The following SLC13A1 variants were observed in gnomAD, a reference collection of about 807,000 sequenced individuals.
The protein encoded by SLC13A1 is solute carrier family 13 member 1.
SLC13A1 carries 65 observed loss-of-function variants against 70.0 expected under a neutral mutation model. That is an observed-to-expected ratio of 0.93 (90% CI 0.76 to 1.14). The LOEUF is 1.14. Ranked by LOEUF, SLC13A1 falls within the 50% of genes most tolerant of loss-of-function variation. SLC13A1 has a pLI of 0.00. For synonymous variants in SLC13A1, 275 were observed against 250.5 expected, an observed-to-expected ratio of 1.10 and a Z score of -0.92; for missense variants, 726 against 717.8, an observed-to-expected ratio of 1.01 and a Z score of -0.13.
At chr7:123,164,062 A>C (rs943814331) in intron 6 of SLC13A1, among the ~76,000 whole-genome samples, 1 of 152,086 alleles carries the variant, frequency 6.6e-6, no homozygotes, top group African/African-American at 2.4e-5. Flanking sequence ...CAAATTATAT[A>C]GTCTGTAAGA....
intron 6 of SLC13A1, among the ~76,000 whole-genome samples, chr7:123,167,640 A>G (rs1269602494): frequency 2.6e-5 from 4 of 152,050 alleles, no homozygotes; most frequent in Non-Finnish European, 4.4e-5. Flanking sequence ...GTATTTTTAT[A>G]TTGATTTATT....
At chr7:123,125,786 G>A (rs1793539371) in intron 10 of SLC13A1, 111 bp from the exon 11 acceptor site, 1 of 727,896 alleles carries the variant, frequency 1.4e-6, no homozygotes, top group East Asian at 2.6e-5. Context: ...AGTAGTAGGT[G>A]GTGTAGGTTA....
intron 1 of SLC13A1, among the ~76,000 whole-genome samples, chr7:123,192,479 T>C (rs1220065992): frequency 1.3e-5 from 2 of 152,200 alleles, no homozygotes; most frequent in African/African-American, 4.8e-5. Context: ...CTTTAAAATA[T>C]AGTTTTTTCA....
intron 6 of SLC13A1, among the ~76,000 whole-genome samples, chr7:123,150,910 T>C (rs149495043): frequency 2.6e-3 from 391 of 152,196 alleles, no homozygotes; most frequent in African/African-American, 9.0e-3. Context: ...CACTCTAATG[T>C]TTCTCCTTTA....
chr7:123,135,262 A>G (rs1793914564), intron 7 of SLC13A1, among the ~76,000 whole-genome samples: 2 of 152,180 alleles, frequency 1.3e-5, no homozygotes, highest in East Asian at 1.9e-4. Context: ...TAACTCAACA[A>G]CAACAACAAC....
chr7:123,116,540 A>G (rs893558615), intron 14 of SLC13A1, among the ~76,000 whole-genome samples: 34 of 152,176 alleles, frequency 2.2e-4, no homozygotes, highest in Non-Finnish European at 3.8e-4. Flanking sequence ...AAGGGTGATA[A>G]CAGATGCCCT....
At position 123,191,574 on chromosome 7, in the gene SLC13A1, A is replaced by T. The variant is rs184110967; in HGVS notation, c.99+8274T>A. 4.7e-3 allele frequency among the ~76,000 whole-genome samples: 709 copies of T among 152,306 alleles called. 5 individuals carry two copies. The highest frequency in any genetic ancestry group is 8.2e-3 in the Non-Finnish European group (556 of 68,032). ...GTTGATCATAGACTTTATATATAGA[A>T]AAACTTATTTAAGATGTGAAAATAT... On this transcript the variant is annotated intron_variant, in intron 1 of 14. Coordinates refer to ENST00000194130, the MANE Select transcript of SLC13A1 (RefSeq NM_022444.4).
At chr7:123,142,194 A>G (rs950982352) in intron 7 of SLC13A1, among the ~76,000 whole-genome samples, 1 of 152,110 alleles carries the variant, frequency 6.6e-6, no homozygotes, top group African/African-American at 2.4e-5. Flanking sequence ...TTCCAAAGGC[A>G]GTGAAAGCTC....
At chr7:123,148,638 C>G in intron 6 of SLC13A1, 1 of 332,060 alleles carries the variant, frequency 3.0e-6, no homozygotes, top group Non-Finnish European at 5.9e-6. Flanking sequence ...AATGGTTTTT[C>G]AGTTATGTTT....
At chr7:123,167,804 C>T (rs567288571) in intron 6 of SLC13A1, among the ~76,000 whole-genome samples, 35 of 151,906 alleles carry the variant, frequency 2.3e-4, no homozygotes, top group African/African-American at 5.8e-4. Flanking sequence ...CTAAAGATAA[C>T]GAGTTGTAAT....
At chr7:123,162,916 C>A (rs1263445260) in intron 6 of SLC13A1, among the ~76,000 whole-genome samples, 3 of 152,074 alleles carry the variant, frequency 2.0e-5, no homozygotes. Context: ...TGAGGAATTA[C>A]AACTTATATT....
chr7:123,193,492 C>T (rs943282285), intron 1 of SLC13A1, among the ~76,000 whole-genome samples: 2 of 152,158 alleles, frequency 1.3e-5, no homozygotes, highest in Admixed American at 6.5e-5. Flanking sequence ...GAGGTTACTA[C>T]GTGATCCAGG....
chr7:123,163,003 C>G (rs74427896), intron 6 of SLC13A1, among the ~76,000 whole-genome samples: 2,463 of 151,990 alleles, frequency 0.016, 29 homozygotes, highest in East Asian at 0.027. Context: ...TTTGTAGATG[C>G]CTGAAGGTTT....
At chr7:123,175,910 T>C (rs1795432042) in intron 2 of SLC13A1, among the ~76,000 whole-genome samples, 1 of 152,212 alleles carries the variant, frequency 6.6e-6, no homozygotes, top group Admixed American at 6.6e-5. Flanking sequence ...TGATTTGGGT[T>C]ATATGAGGAG....
intron 2 of SLC13A1, among the ~76,000 whole-genome samples, chr7:123,174,489 GTCCTTCATA>G (rs1323702027): frequency 6.6e-6 from 1 of 151,846 alleles, no homozygotes; most frequent in East Asian, 1.9e-4. Context: ...TTATTCCTAG[GTCCTTCATA>G]TCTTTAAAAT....
At chr7:123,131,363 A>T (rs1793753745) in intron 8 of SLC13A1, among the ~76,000 whole-genome samples, 1 of 152,200 alleles carries the variant, frequency 6.6e-6, no homozygotes, top group Non-Finnish European at 1.5e-5. Flanking sequence ...GAGTCTCCTT[A>T]GAAACAATTT....
chr7:123,114,059 G>T lies in SLC13A1; in HGVS notation c.*1459C>A, dbSNP rs2116219384. 6.9e-6 allele frequency: 1 copy of T among 144,528 alleles called. No homozygotes were observed. Among genetic ancestry groups the T allele is most frequent in the Admixed American group, 7.0e-5 (1 of 14,342 alleles). The allele number at this position is 144,528 out of a possible 1,614,324, so 9.0% of individuals were successfully genotyped here. A position where few individuals can be genotyped will look rare whatever the true frequency, so the allele number is the denominator to read the frequency against. ...AGATCCCGCCACTGCACTCCAGCCT[G>T]GGCGACAGAGCGAGACTCCGTCTCA... On this transcript the variant is annotated 3_prime_UTR_variant, in exon 15 of 15. Transcript: ENST00000194130.
chr7:123,137,183 A>G (rs1011157368), intron 7 of SLC13A1, among the ~76,000 whole-genome samples: 10 of 144,198 alleles, frequency 6.9e-5, no homozygotes, highest in African/African-American at 2.4e-4. Flanking sequence ...ATTGAAGGCA[A>G]CAAGAGTGGA....
Position 123,119,063 on chromosome 7 carries a change from G to A in SLC13A1, c.1512+18C>T. ...TGCTCTTAATGAAGAGTAAAAAGGG[G>A]ATAAATGAGATACTCACCAATGGAG... On this transcript the variant is annotated intron_variant, in intron 13 of 14. Transcript: ENST00000194130. The A allele has an allele frequency of 6.2e-7, 1 of 1,604,840 alleles. No homozygotes were observed. Among genetic ancestry groups the A allele is most frequent in the Non-Finnish European group, 8.5e-7 (1 of 1,173,648 alleles).
Sources: allele counts gnomAD v4.1 joint callset (sites outside exome capture counted in the v4.1 genomes callset), GRCh38; gene constraint gnomAD v4.1.1; transcripts MANE v1.5; gene names NCBI Gene and HGNC (gene_info 2026-07-23, HGNC 2026-07-21).